The following MPDZ variants were observed in gnomAD, a reference collection of about 807,000 sequenced individuals.
MPDZ encodes the protein multiple PDZ domain protein.
Under a neutral mutation model 239.1 loss-of-function variants are expected in MPDZ, and 234 were observed. The observed-to-expected ratio is 0.98, with a 90% CI of 0.88 to 1.09. The LOEUF is 1.09. MPDZ is among the 50% of genes least tolerant of loss of function. The probability of loss-of-function intolerance (pLI) is 0.00; values close to 1 mark genes in which losing one functional copy is unlikely to be tolerated. For missense variants in MPDZ, 3,175 were observed against 2,510.0 expected (o/e 1.26, Z -5.66); for synonymous variants, 1,048 against 881.3 (o/e 1.19, Z -3.35).
At chr9:13,113,692 A>G (rs943770551) in intron 41 of MPDZ, among the ~76,000 whole-genome samples, 1 of 152,230 alleles carries the variant, frequency 6.6e-6, no homozygotes, top group African/African-American at 2.4e-5. Context: ...AGTAAGAAAA[A>G]AAAATTACAG....
In MPDZ at chr9:13,168,568, C is replaced by T. The variant is rs750301262; in HGVS notation, c.3056-4G>A. The stretch of plus-strand genomic sequence containing the variant: ...TTATTAGCACTAACTGTCATTCCTA[C>T]AGGAAAAGAGAAATGCAAATATAAT... On this transcript the variant is annotated splice_polypyrimidine_tract_variant and splice_region_variant and intron_variant, in intron 21 of 46. Transcript: ENST00000319217. 1.9e-6 allele frequency: 3 copies of T among 1,552,468 alleles called. No individual in the cohort carries two copies. In the African/African-American group the frequency reaches 4.2e-5, roughly 22 times the overall value.
chr9:13,170,450 T>C (rs1317575638), intron 21 of MPDZ, among the ~76,000 whole-genome samples: 2 of 152,172 alleles, frequency 1.3e-5, no homozygotes, highest in East Asian at 3.9e-4. Flanking sequence ...ACACCTCTGC[T>C]TACCATAAAA....
At chr9:13,253,482 T>C (rs1968637249) in intron 1 of MPDZ, among the ~76,000 whole-genome samples, 1 of 152,182 alleles carries the variant, frequency 6.6e-6, no homozygotes, top group South Asian at 2.1e-4. Flanking sequence ...TCATCTGTAA[T>C]CACAAAATTT....
intron 3 of MPDZ, among the ~76,000 whole-genome samples, chr9:13,238,369 A>G (rs1273101122): frequency 6.6e-6 from 1 of 152,208 alleles, no homozygotes; most frequent in Non-Finnish European, 1.5e-5. Context: ...CGAACCGTGT[A>G]AACAACATCA....
intron 39 of MPDZ, among the ~76,000 whole-genome samples, chr9:13,116,882 G>A (rs1336467623): frequency 6.6e-6 from 1 of 151,970 alleles, no homozygotes; most frequent in East Asian, 1.9e-4. Context: ...ATTTTACATA[G>A]TTGCATCTAT....
In MPDZ at chr9:13,108,922, A is replaced by G; in HGVS notation, c.6066+14T>C. 1 of 1,609,342 alleles carries G rather than the reference A, an allele frequency of 6.2e-7. No homozygotes were observed. The highest frequency in any genetic ancestry group is 8.5e-7 in the Non-Finnish European group (1 of 1,177,202). On this transcript the variant is annotated intron_variant, in intron 46 of 46. Transcript: ENST00000319217. Reference sequence around the variant, plus strand: ...TTTAGGGGAAAAGAGGGTGGTTAAAATTTGCAAGCTTACCTTTGCAAACAC... The same window carrying G: ...TTTAGGGGAAAAGAGGGTGGTTAAAGTTTGCAAGCTTACCTTTGCAAACAC...
chr9:13,137,834 T>C (rs1947055313), intron 29 of MPDZ, 123 bp downstream of exon 29: 2 of 1,006,142 alleles, frequency 2.0e-6, no homozygotes, highest in African/African-American at 3.3e-5. Flanking sequence ...GCAATGCATC[T>C]ATTTTATTAA....
intron 1 of MPDZ, among the ~76,000 whole-genome samples, chr9:13,263,155 A>G (rs1454690056): frequency 6.6e-6 from 1 of 152,306 alleles, no homozygotes; most frequent in African/African-American, 2.4e-5. Context: ...CAGGAAAGGG[A>G]CAAGGGAAAT....
chr9:13,133,788 C>G (rs377725085), intron 32 of MPDZ, 36 bp downstream of exon 32: 3 of 1,418,084 alleles, frequency 2.1e-6, no homozygotes, highest in Non-Finnish European at 3.0e-6. Flanking sequence ...GGTAAAGGAA[C>G]TCACATCATT....
intron 13 of MPDZ, among the ~76,000 whole-genome samples, chr9:13,194,645 T>C (rs1033780605): frequency 6.6e-6 from 1 of 152,004 alleles, no homozygotes; most frequent in Non-Finnish European, 1.5e-5. Flanking sequence ...CAAACCACCA[T>C]GGCACATGTA....
Position 13,179,109 on chromosome 9 carries a change from A to T in MPDZ, c.2650-2692T>A, listed in dbSNP as rs967486626. On this transcript the variant is annotated intron_variant, in intron 19 of 46. Transcript: ENST00000319217. Reference sequence around the variant, plus strand: ...TCTAGAATTATCAGATATTCCTAGTACAAAGAATTGAGGCAAGTGGAAATA... The same window carrying T: ...TCTAGAATTATCAGATATTCCTAGTTCAAAGAATTGAGGCAAGTGGAAATA... Among the ~76,000 whole-genome samples the T allele has an allele frequency of 3.9e-5, 6 of 152,142 alleles. No individual in the cohort carries two copies. The South Asian group carries it at 1.2e-3, about 32-fold the overall frequency.
At chr9:13,137,159 C>T (rs1321984737) in intron 29 of MPDZ, among the ~76,000 whole-genome samples, 1 of 152,080 alleles carries the variant, frequency 6.6e-6, no homozygotes, top group Non-Finnish European at 1.5e-5. Flanking sequence ...TTGCGACCTG[C>T]AAGACCATCC....
chr9:13,113,097 T>C lies in MPDZ; in HGVS notation c.5558-43A>G. The C allele has an allele frequency of 3.3e-6, 5 of 1,496,678 alleles. No homozygotes were observed. The South Asian group carries it at 6.3e-5, about 19-fold the overall frequency. 92.7% of individuals were successfully genotyped at this position (1,496,678 alleles called of 1,614,324 possible). On this transcript the variant is annotated intron_variant, in intron 41 of 46. Coordinates refer to ENST00000319217, the MANE Select transcript of MPDZ (RefSeq NM_001378778.1). ...ATAAAATAGGGTTATTTTATGTTCA[T>C]TCACTTTTTATGTTCGTTAAAATAT...
At chr9:13,258,423 T>G (rs1588160620) in intron 1 of MPDZ, among the ~76,000 whole-genome samples, 1 of 152,196 alleles carries the variant, frequency 6.6e-6, no homozygotes, top group African/African-American at 2.4e-5. Flanking sequence ...CTTGTCAGAG[T>G]TGCTCAGCAT....
chr9:13,125,150 C>G, intron 35 of MPDZ, 66 bp downstream of exon 35: 1 of 1,424,430 alleles, frequency 7.0e-7, no homozygotes, highest in East Asian at 2.3e-5. Context: ...GGCTCCCAAG[C>G]AGAAACCCTC....
At chr9:13,148,217 G>C (rs1195829180) in intron 25 of MPDZ, among the ~76,000 whole-genome samples, 1 of 152,074 alleles carries the variant, frequency 6.6e-6, no homozygotes. Flanking sequence ...CTAAGAAATT[G>C]TGTTTATTTG....
At chr9:13,199,529 G>A (rs1956128990) in intron 12 of MPDZ, among the ~76,000 whole-genome samples, 1 of 151,946 alleles carries the variant, frequency 6.6e-6, no homozygotes, top group South Asian at 2.1e-4. Flanking sequence ...AGGACTTGCA[G>A]TACTTATGTT....
intron 26 of MPDZ, among the ~76,000 whole-genome samples, chr9:13,143,795 T>C (rs569931127): frequency 6.6e-6 from 1 of 152,222 alleles, no homozygotes; most frequent in African/African-American, 2.4e-5. Flanking sequence ...AGGAAACTAG[T>C]TGTCAAACTG....
chr9:13,157,987 T>C, intron 24 of MPDZ, 31 bp downstream of exon 24: 1 of 1,568,174 alleles, frequency 6.4e-7, no homozygotes, highest in South Asian at 1.1e-5. Flanking sequence ...ATATATCCAT[T>C]GGGTGGACAG....
Sources: gnomAD v4.1 joint callset for allele counts (sites outside exome capture counted in the v4.1 genomes callset) on GRCh38, gnomAD v4.1.1 for gene constraint, MANE v1.5 for transcripts, NCBI Gene and HGNC (gene_info 2026-07-23, HGNC 2026-07-21) for gene names.